The following EPS8 variants were observed in gnomAD, a reference collection of about 807,000 sequenced individuals.
The protein encoded by EPS8 is EGFR pathway substrate 8, signaling adaptor, also known as epidermal growth factor receptor kinase substrate 8.
A neutral mutation model predicts 103.8 loss-of-function variants in EPS8; 42 were observed. The observed-to-expected ratio is 0.40, with a 90% CI of 0.32 to 0.52. The LOEUF (loss-of-function observed/expected upper bound fraction) is 0.52, where lower values mean the gene tolerates loss of function less well. Ranked by LOEUF, EPS8 falls within the 20% of genes least tolerant of loss-of-function variation. The pLI is 0.40. For missense variants in EPS8, 969 were observed against 1,005.1 expected (o/e 0.96, Z 0.49); for synonymous variants, 344 against 344.6 (o/e 1.00, Z 0.02).
Position 15,716,641 on chromosome 12 carries a change from T to C in EPS8, c.-21-33669A>G, listed in dbSNP as rs1946536274. On this transcript the variant is annotated intron_variant, in intron 1 of 20. Transcript: ENST00000281172. This position sits in a 1 kb window ranked among gnomAD's most constrained non-coding sequence, Gnocchi z 5.0. ...AAGCTGGAAATTGCACACACACACA[T>C]CTTTACTGGTAACCTTGCCCTACAT... Among the ~76,000 whole-genome samples, 1 of 152,166 alleles carries C rather than the reference T, an allele frequency of 6.6e-6. No individual in the cohort carries two copies. The highest frequency in any genetic ancestry group is 2.4e-5 in the African/African-American group (1 of 41,450).
chr12:15,763,550 A>T (rs1044683910), intron 1 of EPS8, among the ~76,000 whole-genome samples: 2 of 152,248 alleles, frequency 1.3e-5, no homozygotes, highest in Non-Finnish European at 2.9e-5. Context: ...CCAGCTTCAC[A>T]ACAAGGGGCC....
chr12:15,628,456 G>C (rs1944986992), intron 18 of EPS8, among the ~76,000 whole-genome samples: 1 of 152,028 alleles, frequency 6.6e-6, no homozygotes, highest in African/African-American at 2.4e-5. Flanking sequence ...CCTTTCTAAA[G>C]TAACACTCTG....
rs1945826958 is a variant in EPS8 at position 15,672,048 on chromosome 12, C to T, written c.137-1125G>A. Among the ~76,000 whole-genome samples, 3 of 152,242 alleles carry T rather than the reference C, an allele frequency of 2.0e-5. No homozygotes were observed. In the South Asian group the frequency reaches 6.2e-4, roughly 32 times the overall value. On this transcript the variant is annotated intron_variant, in intron 3 of 20. Transcript: ENST00000281172. ...ATTAAACAAGGTCAAACCTAAAGGC[C>T]TTTAAGCCATTAACATTCTGACATA...
rs1372009483 is a variant in EPS8 at position 15,706,348 on chromosome 12, A to C, written c.-21-23376T>G. Among the ~76,000 whole-genome samples the C allele has an allele frequency of 6.6e-6, 1 of 152,202 alleles. No individual in the cohort carries two copies. Among genetic ancestry groups the C allele is most frequent in the Non-Finnish European group, 1.5e-5 (1 of 68,030 alleles). On this transcript the variant is annotated intron_variant, in intron 1 of 20. Transcript: ENST00000281172. This position sits in a 1 kb window ranked among gnomAD's most constrained non-coding sequence, Gnocchi z 5.2. ...AAGCACTGCAGCATTGACAATGCCAAGTTCTTCCTTCCTCGAGGCCTATCA... is the reference window on the plus strand; with the variant it reads ...AAGCACTGCAGCATTGACAATGCCACGTTCTTCCTTCCTCGAGGCCTATCA...
At chr12:15,663,941 A>ATAATAATAATAATAAT (rs71042266) in intron 8 of EPS8, among the ~76,000 whole-genome samples, 15 of 73,270 alleles carry the variant, frequency 2.0e-4, no homozygotes, top group East Asian at 4.2e-4. Flanking sequence ...AAAAAAAAAA[A>ATAATAATAATAATAAT]AAAAATAATA....
chr12:15,663,935 A>T (rs370654934), intron 8 of EPS8, among the ~76,000 whole-genome samples: 155 of 11,102 alleles, frequency 0.014, 4 homozygotes, highest in Middle Eastern at 0.071. Context: ...AAAAAAAAAA[A>T]AAAAAAAAAA....
rs1946714662 is a variant in EPS8 at position 15,731,381 on chromosome 12, C to A, written c.-21-48409G>T. On this transcript the variant is annotated intron_variant, in intron 1 of 20. Coordinates refer to ENST00000281172, the MANE Select transcript of EPS8 (RefSeq NM_004447.6). This position sits in a 1 kb window ranked among gnomAD's most constrained non-coding sequence, Gnocchi z 5.1. ...TGGCACAATCTCGGCTCACTGCAAC[C>A]TCAGCTTCCCAGGTTCGAGCTACTC... Among the ~76,000 whole-genome samples the A allele has an allele frequency of 6.6e-6, 1 of 152,120 alleles. No individual in the cohort carries two copies. Among genetic ancestry groups the A allele is most frequent in the Non-Finnish European group, 1.5e-5 (1 of 68,008 alleles).
Position 15,702,672 on chromosome 12 carries a change from C to G in EPS8, c.-21-19700G>C. Among the ~76,000 whole-genome samples the G allele has an allele frequency of 6.8e-6, 1 of 146,634 alleles. No homozygotes were observed. The highest frequency in any genetic ancestry group is 1.9e-4 in the East Asian group (1 of 5,172). On this transcript the variant is annotated intron_variant, in intron 1 of 20. Coordinates refer to ENST00000281172, the MANE Select transcript of EPS8 (RefSeq NM_004447.6). This position sits in a 1 kb window ranked among gnomAD's most constrained non-coding sequence, Gnocchi z 5.1. ...CATGCCTAATATTTTTACCTATATC[C>G]AAAACACATATCCAATACAATATAT...
At chr12:15,663,431 C>CCT (rs1237596987) in intron 8 of EPS8, among the ~76,000 whole-genome samples, 1 of 152,144 alleles carries the variant, frequency 6.6e-6, no homozygotes, top group Non-Finnish European at 1.5e-5. Context: ...AGATATTCCT[C>CCT]CTGAGGGGCT....
At chr12:15,654,976 G>A (rs777727223) in intron 12 of EPS8, among the ~76,000 whole-genome samples, 3 of 151,974 alleles carry the variant, frequency 2.0e-5, no homozygotes, top group Non-Finnish European at 4.4e-5. Context: ...CTTCTTATGA[G>A]CTATTTTCTG....
rs999926965 is a variant in EPS8, at chr12:15,701,552, G to C, written c.-21-18580C>G. Reference sequence around the variant, plus strand: ...TTTCACATCTACATAATCCATGCCTGGATTCAGGTATGTCCTTCTCATCCA... The same window carrying C: ...TTTCACATCTACATAATCCATGCCTCGATTCAGGTATGTCCTTCTCATCCA... On this transcript the variant is annotated intron_variant, in intron 1 of 20. Coordinates refer to ENST00000281172, the MANE Select transcript of EPS8 (RefSeq NM_004447.6). This position sits in a 1 kb window ranked among gnomAD's most constrained non-coding sequence, Gnocchi z 5.1. Among the ~76,000 whole-genome samples, 2 of 152,092 alleles carry C rather than the reference G, an allele frequency of 1.3e-5. No homozygotes were observed. The highest frequency in any genetic ancestry group is 1.3e-4 in the Admixed American group (2 of 15,268).
At chr12:15,630,637 C>A (rs1336401578) in intron 18 of EPS8, among the ~76,000 whole-genome samples, 1 of 152,016 alleles carries the variant, frequency 6.6e-6, no homozygotes, top group African/African-American at 2.4e-5. Flanking sequence ...CTACTATTGG[C>A]AGGTGATTAT....
chr12:15,699,395 G>A (rs1462282420), intron 1 of EPS8, among the ~76,000 whole-genome samples: 3 of 152,176 alleles, frequency 2.0e-5, no homozygotes, highest in East Asian at 3.8e-4. Context: ...CCTGTAAAAT[G>A]AGAATGATTG....
At chr12:15,633,189 AT>A (rs1470741163) in intron 17 of EPS8, among the ~76,000 whole-genome samples, 3 of 152,034 alleles carry the variant, frequency 2.0e-5, no homozygotes, top group African/African-American at 7.2e-5. Context: ...GAAAGAATGA[AT>A]TGTTATTATT....
intron 1 of EPS8, among the ~76,000 whole-genome samples, chr12:15,750,972 C>T (rs951663537): frequency 2.0e-5 from 3 of 152,072 alleles, no homozygotes; most frequent in African/African-American, 7.2e-5. Flanking sequence ...ATTCTTAGTA[C>T]ATTAGACAGT....
At position 15,771,415 on chromosome 12, in the gene EPS8, A is replaced by C. The variant is rs1258921760; in HGVS notation, c.-22+17746T>G. Among the ~76,000 whole-genome samples, 1 of 152,242 alleles carries C rather than the reference A, an allele frequency of 6.6e-6. No individual in the cohort carries two copies. The highest frequency in any genetic ancestry group is 2.4e-5 in the African/African-American group (1 of 41,460). ...ACTGACATCATCTGAACTCAGCTTT[A>C]GCAAGACTGATCTGAAAGTAGTAAT... On this transcript the variant is annotated intron_variant, in intron 1 of 20. Coordinates refer to ENST00000281172, the MANE Select transcript of EPS8 (RefSeq NM_004447.6). This position sits in a 1 kb window ranked among gnomAD's most constrained non-coding sequence, Gnocchi z 4.6.
chr12:15,783,941 C>T (rs541100199), intron 1 of EPS8, among the ~76,000 whole-genome samples: 1 of 151,882 alleles, frequency 6.6e-6, no homozygotes, highest in Non-Finnish European at 1.5e-5. Context: ...TGTGCTGGTA[C>T]AACTAGGAAT....
At position 15,771,091 on chromosome 12, in the gene EPS8, T is replaced by C. The variant is rs1947149597; in HGVS notation, c.-22+18070A>G. Among the ~76,000 whole-genome samples, 1 of 152,052 alleles carries C rather than the reference T, an allele frequency of 6.6e-6. No homozygotes were observed. The highest frequency in any genetic ancestry group is 2.1e-4 in the South Asian group (1 of 4,816). ...TAGGCGATCCTGAGAAAAAAAATATTAAGTGGGAGAGGTACCAAAGAAGGT... is the reference window on the plus strand; with the variant it reads ...TAGGCGATCCTGAGAAAAAAAATATCAAGTGGGAGAGGTACCAAAGAAGGT... On this transcript the variant is annotated intron_variant, in intron 1 of 20. Coordinates refer to ENST00000281172, the MANE Select transcript of EPS8 (RefSeq NM_004447.6). The surrounding 1 kb of genome is among the most constrained non-coding windows in gnomAD (Gnocchi z 4.6).
intron 18 of EPS8, 38 bp from the exon 19 acceptor site, chr12:15,624,445 C>T (rs773357964): frequency 2.8e-5 from 40 of 1,454,442 alleles, no homozygotes; most frequent in Non-Finnish European, 3.3e-5. Flanking sequence ...TTTGAAAATC[C>T]CTAATATTAC....
Sources: allele counts gnomAD v4.1 joint callset (sites outside exome capture counted in the v4.1 genomes callset), GRCh38; gene constraint gnomAD v4.1.1; non-coding constraint Gnocchi (gnomAD v3.1); transcripts MANE v1.5; gene names NCBI Gene and HGNC (gene_info 2026-07-23, HGNC 2026-07-21).